Variants in ZNF816 observed in about 807,000 individuals in gnomAD.
The protein encoded by ZNF816 is zinc finger protein 816A.
A neutral mutation model predicts 8.3 loss-of-function variants in ZNF816; 11 were observed. The observed-to-expected ratio is 1.32, with a 90% CI of 0.83 to 2.19. ZNF816 has a LOEUF of 2.19. Ranked by LOEUF, ZNF816 falls within the 30% of genes most tolerant of loss-of-function variation. ZNF816 has a pLI of 0.00. For missense variants in ZNF816, 710 were observed against 779.3 expected, an observed-to-expected ratio of 0.91 and a Z score of 1.06; for synonymous variants, 255 against 254.5, an observed-to-expected ratio of 1.00 and a Z score of -0.02.
Position 52,957,935 on chromosome 19 carries a change from C to T in ZNF816, c.-15-1831G>A, listed in dbSNP as rs1379790634. On this transcript the variant is annotated intron_variant, in intron 1 of 3. Transcript: ENST00000444460. The surrounding 1 kb of genome is among the most constrained non-coding windows in gnomAD (Gnocchi z 4.6). ...GGAATGGAGACTTCTTTTAACTGAG[C>T]CAGGCCAAGAGATAAGACCAACTCT... is the stretch of plus-strand genomic sequence containing the variant. 6.6e-6 allele frequency among the ~76,000 whole-genome samples: 1 copy of T among 152,278 alleles called. No homozygotes were observed. Among genetic ancestry groups the T allele is most frequent in the African/African-American group, 2.4e-5 (1 of 41,562 alleles).
rs754620563 is a variant in ZNF816 at position 52,954,040 on chromosome 19, C to CAAAAAA, written c.64-1169_64-1164dup. On this transcript the variant is annotated intron_variant, in intron 2 of 3. Transcript: ENST00000444460. The stretch of plus-strand genomic sequence containing the variant: ...TGAGCAACAGACTGAGACTCTTTCT[C>CAAAAAA]AAAAAAAAAAAAAAAAAGGTATATA... Among the ~76,000 whole-genome samples the CAAAAAA allele has an allele frequency of 3.5e-4, 33 of 94,634 alleles. 1 individual carries two copies. The highest frequency in any genetic ancestry group is 5.1e-4 in the African/African-American group (13 of 25,420). The allele number at this position is 94,634 out of a possible 152,430, so 62.1% of individuals were successfully genotyped here. A position where few individuals can be genotyped will look rare whatever the true frequency, so the allele number is the denominator to read the frequency against.
At position 52,957,263 on chromosome 19, in the gene ZNF816, A is replaced by C. The variant is rs1003249715; in HGVS notation, c.-15-1159T>G. Among the ~76,000 whole-genome samples, 2 of 152,146 alleles carry C rather than the reference A, an allele frequency of 1.3e-5. No homozygotes were observed. The highest frequency in any genetic ancestry group is 4.8e-5 in the African/African-American group (2 of 41,430). Reference sequence around the variant, plus strand: ...TAACAGAAGGTCGAGGCAACCCCTTAGGTGACTTAGGCCTGCCCTTTGGAG... The same window carrying C: ...TAACAGAAGGTCGAGGCAACCCCTTCGGTGACTTAGGCCTGCCCTTTGGAG... On this transcript the variant is annotated intron_variant, in intron 1 of 3. Coordinates refer to ENST00000444460, the MANE Select transcript of ZNF816 (RefSeq NM_001202457.3). This position sits in a 1 kb window ranked among gnomAD's most constrained non-coding sequence, Gnocchi z 4.6.
rs2083524251 is a variant in ZNF816 at position 52,957,919 on chromosome 19, ACTT to A, written c.-15-1818_-15-1816del. Among the ~76,000 whole-genome samples the A allele has an allele frequency of 6.6e-6, 1 of 152,090 alleles. No individual in the cohort carries two copies. The highest frequency in any genetic ancestry group is 2.4e-5 in the African/African-American group (1 of 41,392). On this transcript the variant is annotated intron_variant, in intron 1 of 3. Coordinates refer to ENST00000444460, the MANE Select transcript of ZNF816 (RefSeq NM_001202457.3). The surrounding 1 kb of genome is among the most constrained non-coding windows in gnomAD (Gnocchi z 4.6). ...CAGTCCCCCAGGAAGAGGAATGGAG[ACTT>A]CTTTTAACTGAGCCAGGCCAAGAGA...
At chr19:52,952,605 CAGAT>C (rs2083468746) in intron 3 of ZNF816, 142 bp downstream of exon 3, 5 of 1,468,962 alleles carry the variant, frequency 3.4e-6, no homozygotes, top group East Asian at 2.3e-5. Flanking sequence ...CTGTCCATGA[CAGAT>C]AGGAGGGTCA....
chr19:52,952,543 G>C (rs142991655), intron 3 of ZNF816: 2 of 866,484 alleles, frequency 2.3e-6, no homozygotes, highest in African/African-American at 3.5e-5. Context: ...CAAAGTGTTC[G>C]TGAATTTTCT....
In ZNF816 at chr19:52,957,827, G is replaced by A. The variant is rs190526998; in HGVS notation, c.-15-1723C>T. ...CTTGCTTAGCGAGCTGAGAGCCACC[G>A]TCTCTTCTACAGAGCACAGCTCTTT... is the stretch of plus-strand genomic sequence containing the variant. On this transcript the variant is annotated intron_variant, in intron 1 of 3. Transcript: ENST00000444460. This position sits in a 1 kb window ranked among gnomAD's most constrained non-coding sequence, Gnocchi z 4.6. 1.8e-4 allele frequency among the ~76,000 whole-genome samples: 27 copies of A among 152,260 alleles called. No homozygotes were observed. Among genetic ancestry groups the A allele is most frequent in the Admixed American group, 8.5e-4 (13 of 15,298 alleles).
intron 1 of ZNF816, among the ~76,000 whole-genome samples, chr19:52,958,263 A>G (rs1004862011): frequency 6.6e-6 from 1 of 152,182 alleles, no homozygotes; most frequent in African/African-American, 2.4e-5. Flanking sequence ...GTGACTTTAC[A>G]TCCAACAGTA....
At chr19:52,960,719 T>G (rs1329305641) in intron 1 of ZNF816, among the ~76,000 whole-genome samples, 1 of 152,124 alleles carries the variant, frequency 6.6e-6, no homozygotes, top group East Asian at 1.9e-4. Context: ...CACTGGAAAG[T>G]ACCCCAGACC....
chr19:52,961,732 G>A (rs1212964305), intron 1 of ZNF816, among the ~76,000 whole-genome samples: 1 of 152,280 alleles, frequency 6.6e-6, no homozygotes, highest in Non-Finnish European at 1.5e-5. Context: ...CAGCACCAGA[G>A]CTTCCAAAAA....
In ZNF816 at chr19:52,956,026, C is replaced by T. The variant is rs1317864766; in HGVS notation, c.63+1G>A. 4 of 1,609,410 alleles carry T rather than the reference C, an allele frequency of 2.5e-6. No individual in the cohort carries two copies. The Admixed American group carries it at 5.1e-5, about 21-fold the overall frequency. ...AGAATCCACCAAGGAATATCACTTA[C>T]CTGAGGAAGAGCCATCCCTGGCTCC... is the stretch of plus-strand genomic sequence containing the variant. On this transcript the variant is annotated splice_donor_variant, in intron 2 of 3. Transcript: ENST00000444460. LOFTEE classifies it high-confidence loss of function.
chr19:52,949,939 C>G lies in ZNF816; in HGVS notation c.1836G>C (p.Gln612His), dbSNP rs2083439431. 5 of 1,613,756 alleles carry G rather than the reference C, an allele frequency of 3.1e-6. No individual in the cohort carries two copies. Among genetic ancestry groups the G allele is most frequent in the Middle Eastern group, 1.6e-4 (1 of 6,074 alleles). ...AAGGTTTCTCTGCAGTATGAACTCT[C>G]TGATGTTTTGCAAGGCTTGCTTTTT... is the stretch of plus-strand genomic sequence containing the variant. ...FNQKASLAKH[Q>H]RVHTAEKPYK... Residue 612 changes from glutamine (Q) to histidine (H), a missense_variant, in exon 4 of 4, where the codon CAG (glutamine) becomes CAC (histidine). Coordinates refer to ENST00000444460, the MANE Select transcript of ZNF816 (RefSeq NM_001202457.3).
Position 52,950,530 on chromosome 19 carries a change from ATG to A in ZNF816, c.1243_1244del (p.His415Ter). ...ATCCCTCTCCAGTATGAATCTTCCTATGTCTTTCAAGGTGTGATCTGCGAATG... is the reference window on the plus strand; with the variant it reads ...ATCCCTCTCCAGTATGAATCTTCCTATCTTTCAAGGTGTGATCTGCGAATG... ...VYIRRSHLER[H>X]RKIHTGEGSY... On this transcript the variant is annotated frameshift_variant, in exon 4 of 4. Coordinates refer to ENST00000444460, the MANE Select transcript of ZNF816 (RefSeq NM_001202457.3). LOFTEE classifies it low-confidence loss of function (END_TRUNC). 6.2e-7 allele frequency: 1 copy of A among 1,613,298 alleles called. No homozygotes were observed. Among genetic ancestry groups the A allele is most frequent in the East Asian group, 2.2e-5 (1 of 44,852 alleles).
chr19:52,959,436 C>T (rs2083537858), intron 1 of ZNF816, among the ~76,000 whole-genome samples: 1 of 152,204 alleles, frequency 6.6e-6, no homozygotes, highest in Admixed American at 6.5e-5. Flanking sequence ...CCTTGGGCAT[C>T]AGTAGACTGG....
intron 1 of ZNF816, among the ~76,000 whole-genome samples, chr19:52,959,462 A>T (rs1165515948): frequency 6.6e-6 from 1 of 152,236 alleles, no homozygotes; most frequent in Admixed American, 6.5e-5. Flanking sequence ...ATAAGTGGAC[A>T]GGAGCAGCTT....
At position 52,950,568 on chromosome 19, in the gene ZNF816, C is replaced by T; in HGVS notation, c.1207G>A (p.Asp403Asn). Residue 403 changes from aspartate to asparagine, a missense_variant, in exon 4 of 4, where the codon GAC becomes AAC. Coordinates refer to ENST00000444460, the MANE Select transcript of ZNF816 (RefSeq NM_001202457.3). ...TGTGATCTGCGAATGTAAACATTGT[C>T]ACATTCTTCACATTTGTAAGGTTTC... ...GEKPYKCEEC[D>N]NVYIRRSHLE... 1 of 1,614,122 alleles carries T rather than the reference C, an allele frequency of 6.2e-7. No individual in the cohort carries two copies. Among genetic ancestry groups the T allele is most frequent in the Middle Eastern group, 1.6e-4 (1 of 6,062 alleles).
At chr19:52,958,643 T>C (rs771032838) in intron 1 of ZNF816, among the ~76,000 whole-genome samples, 20 of 152,258 alleles carry the variant, frequency 1.3e-4, no homozygotes, top group African/African-American at 1.9e-4. Flanking sequence ...TAGGTATAAG[T>C]TGTCCAAGAA....
intron 1 of ZNF816, among the ~76,000 whole-genome samples, chr19:52,956,882 A>T (rs1568439825): frequency 6.6e-6 from 1 of 152,208 alleles, no homozygotes; most frequent in African/African-American, 2.4e-5. Flanking sequence ...CGGTGGTTAA[A>T]AATAATAATA....
chr19:52,956,420 G>A (rs1259809236), intron 1 of ZNF816, among the ~76,000 whole-genome samples: 1 of 152,196 alleles, frequency 6.6e-6, no homozygotes. Flanking sequence ...GTGGATCACA[G>A]ACTGATCTCA....
chr19:52,950,400 C>T lies in ZNF816; in HGVS notation c.1375G>A (p.Gly459Ser). 6.2e-7 allele frequency: 1 copy of T among 1,613,440 alleles called. No individual in the cohort carries two copies. The highest frequency in any genetic ancestry group is 1.3e-5 in the African/African-American group (1 of 74,790). Residue 459 changes from glycine (G) to serine (S), a missense_variant, in exon 4 of 4, where the codon GGC becomes AGC. Physicochemically the swap from Gly to Ser is moderately conservative, Grantham distance 56. Coordinates refer to ENST00000444460, the MANE Select transcript of ZNF816 (RefSeq NM_001202457.3). ...GATGACTTCCGACTGAAACTCCTGC[C>T]ACATTTATTACACTTGTATGGTTTC... The part of the protein sequence containing the change: ...GEKPYKCNKC[G>S]RSFSRKSSLQ...
Sources: gnomAD v4.1 joint callset for allele counts (sites outside exome capture counted in the v4.1 genomes callset) on GRCh38, gnomAD v4.1.1 for gene constraint, Gnocchi (gnomAD v3.1) non-coding constraint, MANE v1.5 for transcripts, NCBI Gene and HGNC (gene_info 2026-07-23, HGNC 2026-07-21) for gene names.